The following DPYD variants were observed in gnomAD, a reference collection of about 807,000 sequenced individuals.
The protein encoded by DPYD is dihydropyrimidine dehydrogenase [NADP(+)].
A neutral mutation model predicts 116.2 loss-of-function variants in DPYD; 109 were observed. The observed-to-expected ratio is 0.94, with a 90% confidence interval of 0.80 to 1.10. The LOEUF is 1.10. Ranked by LOEUF, DPYD falls within the 50% of genes least tolerant of loss-of-function variation. DPYD has a pLI of 0.00. For missense variants in DPYD, 1,302 were observed against 1,254.5 expected (o/e 1.04, Z -0.57); for synonymous variants, 440 against 432.0 (o/e 1.02, Z -0.23).
At chr1:97,878,477 C>T (rs1672028734) in intron 2 of DPYD, among the ~76,000 whole-genome samples, 1 of 152,030 alleles carries the variant, frequency 6.6e-6, no homozygotes, top group African/African-American at 2.4e-5. Context: ...CAGTGATCCA[C>T]AGGCACAAGA....
chr1:97,156,674 G>A (rs1375183051), intron 20 of DPYD, among the ~76,000 whole-genome samples: 1 of 152,104 alleles, frequency 6.6e-6, no homozygotes, highest in African/African-American at 2.4e-5. Flanking sequence ...TGGTGGGACT[G>A]TAAACTAGTT....
At chr1:97,253,008 A>G (rs527284599) in intron 18 of DPYD, among the ~76,000 whole-genome samples, 2 of 152,310 alleles carry the variant, frequency 1.3e-5, no homozygotes, top group East Asian at 3.9e-4. Flanking sequence ...ATGGAAATGT[A>G]TTGAAAAAGT....
intron 8 of DPYD, among the ~76,000 whole-genome samples, chr1:97,620,254 C>T (rs1656553871): frequency 6.6e-6 from 1 of 152,082 alleles, no homozygotes; most frequent in South Asian, 2.1e-4. Context: ...ACTTTGTTGA[C>T]CAGGTTAGAG....
chr1:97,206,954 A>T (rs1322844139), intron 19 of DPYD, among the ~76,000 whole-genome samples: 1 of 151,826 alleles, frequency 6.6e-6, no homozygotes, highest in Non-Finnish European at 1.5e-5. Flanking sequence ...ATACATAATT[A>T]TCTACTTCAG....
At chr1:97,638,771 C>T (rs1195918983) in intron 8 of DPYD, among the ~76,000 whole-genome samples, 4 of 151,946 alleles carry the variant, frequency 2.6e-5, no homozygotes, top group African/African-American at 9.7e-5. Flanking sequence ...GAGGAAGTGT[C>T]GGGCTCTTCT....
chr1:97,323,675 TATATAC>T (rs1487946205), intron 16 of DPYD, among the ~76,000 whole-genome samples: 7 of 90,234 alleles, frequency 7.8e-5, no homozygotes, highest in African/African-American at 1.2e-4. Context: ...ACATATCATA[TATATAC>T]ATATATGTGT....
intron 3 of DPYD, among the ~76,000 whole-genome samples, chr1:97,809,321 G>A (rs943204286): frequency 2.4e-4 from 37 of 152,180 alleles, no homozygotes; most frequent in Admixed American, 5.2e-4. Context: ...ACACAGACAC[G>A]TGATTCATGC....
chr1:97,511,798 C>T (rs1383502037), intron 13 of DPYD, among the ~76,000 whole-genome samples: 1 of 151,838 alleles, frequency 6.6e-6, no homozygotes, highest in East Asian at 1.9e-4. Context: ...TTAGGCCAGC[C>T]GATTTTTACG....
chr1:97,630,994 C>T (rs1256376547), intron 8 of DPYD, among the ~76,000 whole-genome samples: 1 of 152,082 alleles, frequency 6.6e-6, no homozygotes, highest in African/African-American at 2.4e-5. Flanking sequence ...TCCAGGTCCT[C>T]TAATAACTTA....
chr1:97,207,802 T>C (rs1048736313), intron 19 of DPYD, among the ~76,000 whole-genome samples: 2 of 152,184 alleles, frequency 1.3e-5, no homozygotes, highest in Non-Finnish European at 2.9e-5. Context: ...TTTGGGTTTC[T>C]GCATCACGCA....
intron 19 of DPYD, among the ~76,000 whole-genome samples, chr1:97,194,503 A>T (rs1423353301): frequency 1.3e-5 from 2 of 151,170 alleles, no homozygotes; most frequent in East Asian, 1.9e-4. Context: ...ATATCTTTTT[A>T]TTTATTTATT....
chr1:97,613,261 T>A (rs1023574315), intron 8 of DPYD, among the ~76,000 whole-genome samples: 5 of 152,022 alleles, frequency 3.3e-5, no homozygotes, highest in African/African-American at 1.2e-4. Flanking sequence ...AAGATAATTT[T>A]GGTGGTTAAT....
intron 21 of DPYD, among the ~76,000 whole-genome samples, chr1:97,091,460 G>A (rs1557857497): frequency 6.6e-6 from 1 of 152,134 alleles, no homozygotes; most frequent in Non-Finnish European, 1.5e-5. Flanking sequence ...GTGCCTGGGT[G>A]TGTGCTAAAA....
chr1:97,439,531 T>C (rs1437148781), intron 14 of DPYD, among the ~76,000 whole-genome samples: 2 of 152,188 alleles, frequency 1.3e-5, no homozygotes. Context: ...GTCATTTTCC[T>C]TTTAATATCT....
intron 5 of DPYD, among the ~76,000 whole-genome samples, chr1:97,699,897 A>G (rs1417529003): frequency 6.6e-6 from 1 of 152,076 alleles, no homozygotes; most frequent in Non-Finnish European, 1.5e-5. Flanking sequence ...AGTCAGTAGA[A>G]TGAATGTTAG....
At chr1:97,591,635 T>C (rs928927268) in intron 10 of DPYD, among the ~76,000 whole-genome samples, 8 of 152,172 alleles carry the variant, frequency 5.3e-5, no homozygotes, top group African/African-American at 1.4e-4. Flanking sequence ...AAATGTGAAG[T>C]AAATTGATAT....
intron 18 of DPYD, among the ~76,000 whole-genome samples, chr1:97,285,922 T>G (rs1004523327): frequency 6.6e-6 from 1 of 152,166 alleles, no homozygotes; most frequent in African/African-American, 2.4e-5. Context: ...CCATTTACAT[T>G]TAAAGTTAAT....
rs1264603202 is a variant in DPYD at position 97,242,226 on chromosome 1, A to C, written c.2300-7232T>G. On this transcript the variant is annotated intron_variant, in intron 18 of 22. Transcript: ENST00000370192. The stretch of plus-strand genomic sequence containing the variant: ...CATTAGTGCTTAGACACAAAGTTAC[A>C]TATACAACAATGTTCCTGGAAGTAT... Among the ~76,000 whole-genome samples, 16 of 146,642 alleles carry C rather than the reference A, an allele frequency of 1.1e-4. No homozygotes were observed. The East Asian group carries it at 3.2e-3, about 29-fold the overall frequency.
intron 8 of DPYD, among the ~76,000 whole-genome samples, chr1:97,631,081 A>AT (rs944356191): frequency 6.6e-6 from 1 of 152,064 alleles, no homozygotes; most frequent in African/African-American, 2.4e-5. Context: ...AAGCTTACTG[A>AT]TTTTCATTTG....
Sources: allele counts gnomAD v4.1 joint callset (sites outside exome capture counted in the v4.1 genomes callset), GRCh38; gene constraint gnomAD v4.1.1; transcripts MANE v1.5; gene names NCBI Gene and HGNC (gene_info 2026-07-23, HGNC 2026-07-21).